The following DCUN1D5 variants were observed in gnomAD, a reference collection of about 807,000 sequenced individuals.
DCUN1D5 encodes the protein defective in cullin neddylation 1 domain containing 5.
Under a neutral mutation model 38.3 loss-of-function variants are expected in DCUN1D5, and 10 were observed. The ratio of observed to expected loss-of-function variants is 0.26; its 90% CI spans 0.16 to 0.44. The LOEUF (loss-of-function observed/expected upper bound fraction) is 0.44. DCUN1D5 is among the 20% of genes least tolerant of loss of function. The probability of loss-of-function intolerance (pLI) is 1.00; values close to 1 mark genes in which losing one functional copy is unlikely to be tolerated. For missense variants in DCUN1D5, 148 were observed against 275.3 expected (o/e 0.54, Z 3.27); for synonymous variants, 93 against 90.9 (o/e 1.02, Z -0.13).
chr11:103,062,282 A>AT lies in DCUN1D5; in HGVS notation c.*76dup, dbSNP rs567049158. 44 of 1,413,828 alleles carry AT rather than the reference A, an allele frequency of 3.1e-5. No homozygotes were observed. The highest frequency in any genetic ancestry group is 3.6e-5 in the South Asian group (3 of 82,558). The allele number at this position is 1,413,828 out of a possible 1,614,324, so 87.6% of individuals were successfully genotyped here. On this transcript the variant is annotated 3_prime_UTR_variant, in exon 8 of 8. Coordinates refer to ENST00000260247, the MANE Select transcript of DCUN1D5 (RefSeq NM_032299.4). This position sits in a 1 kb window ranked among gnomAD's most constrained non-coding sequence, Gnocchi z 4.6. ...ATATGAATGAAAATGCACCCGTTGG[A>AT]TTTTTTTCCCCCTCATCACATTAGC...
chr11:103,076,453 C>T (rs1862409478), intron 4 of DCUN1D5, among the ~76,000 whole-genome samples: 1 of 152,152 alleles, frequency 6.6e-6, no homozygotes, highest in African/African-American at 2.4e-5. Flanking sequence ...CACAAAGTTA[C>T]TATCTTACTT....
In DCUN1D5 at chr11:103,066,160, C is replaced by CT. The variant is rs1367558065; in HGVS notation, c.555+108dup. ...ATGTACATATTTTAGAATTTTTTCTCTAAAGTTTTTTTAAAGCATACTATT... is the reference window on the plus strand; with the variant it reads ...ATGTACATATTTTAGAATTTTTTCTCTTAAAGTTTTTTTAAAGCATACTATT... On this transcript the variant is annotated intron_variant, in intron 6 of 7. Transcript: ENST00000260247. The surrounding 1 kb of genome is among the most constrained non-coding windows in gnomAD (Gnocchi z 4.7). 11 of 630,618 alleles carry CT rather than the reference C, an allele frequency of 1.7e-5. No homozygotes were observed. The highest frequency in any genetic ancestry group is 2.8e-5 in the Non-Finnish European group (11 of 393,640). The allele number at this position is 630,618 out of a possible 1,614,324, so 39.1% of individuals were successfully genotyped here.
Position 103,092,013 on chromosome 11 carries a change from C to G in DCUN1D5, c.-141G>C. 1.4e-6 allele frequency: 1 copy of G among 736,540 alleles called. No individual in the cohort carries two copies. The highest frequency in any genetic ancestry group is 2.2e-6 in the Non-Finnish European group (1 of 462,216). The allele number at this position is 736,540 out of a possible 1,614,324, so 45.6% of individuals were successfully genotyped here. ...AGTCGCCAGCCCGCACCGGCGCGGC[C>G]CAGCCCGGCCGCCGCCCGCTCCCAG... On this transcript the variant is annotated 5_prime_UTR_variant, in exon 1 of 8. Transcript: ENST00000260247.
At chr11:103,079,390 T>C (rs2134626067) in intron 4 of DCUN1D5, among the ~76,000 whole-genome samples, 1 of 152,350 alleles carries the variant, frequency 6.6e-6, no homozygotes, top group Admixed American at 6.5e-5. Flanking sequence ...TAAGTGATAC[T>C]GTGCCTTACA....
chr11:103,082,904 A>T, intron 3 of DCUN1D5, 65 bp from the exon 4 acceptor site: 1 of 1,266,214 alleles, frequency 7.9e-7, no homozygotes, highest in Non-Finnish European at 1.1e-6. Flanking sequence ...GTCTATATTT[A>T]TCATGGAGAG....
Position 103,078,140 on chromosome 11 carries a change from G to T in DCUN1D5, c.341+4608C>A, listed in dbSNP as rs1298635486. Among the ~76,000 whole-genome samples, 1 of 152,148 alleles carries T rather than the reference G, an allele frequency of 6.6e-6. No individual in the cohort carries two copies. The highest frequency in any genetic ancestry group is 1.9e-4 in the East Asian group (1 of 5,192). On this transcript the variant is annotated intron_variant, in intron 4 of 7. Coordinates refer to ENST00000260247, the MANE Select transcript of DCUN1D5 (RefSeq NM_032299.4). The surrounding 1 kb of genome is among the most constrained non-coding windows in gnomAD (Gnocchi z 4.6). The stretch of plus-strand genomic sequence containing the variant: ...TTTACAAACTGCAACCTACCGGCAG[G>T]CAGCTTAATTACTATCACTGTTGTC...
rs1401686728 is a variant in DCUN1D5 at position 103,052,500 on chromosome 11, CA to C, written c.*9858del. The C allele has an allele frequency of 3.3e-5, 5 of 152,204 alleles. No homozygotes were observed. Among genetic ancestry groups the C allele is most frequent in the African/African-American group, 1.2e-4 (5 of 41,542 alleles). 9.4% of individuals were successfully genotyped at this position (152,204 alleles called of 1,614,324 possible). A position where few individuals can be genotyped will look rare whatever the true frequency, so the allele number is the denominator to read the frequency against. Reference sequence around the variant, plus strand: ...ACAGAGCTGTTTCCTTTTTAAGGATCATAATCTTCAAAGGTAGAAACTAACA... The same window carrying C: ...ACAGAGCTGTTTCCTTTTTAAGGATCTAATCTTCAAAGGTAGAAACTAACA... On this transcript the variant is annotated 3_prime_UTR_variant, in exon 8 of 8. Coordinates refer to ENST00000260247, the MANE Select transcript of DCUN1D5 (RefSeq NM_032299.4).
rs1591233999 is a variant in DCUN1D5 at position 103,091,238 on chromosome 11, A to T, written c.86+549T>A. On this transcript the variant is annotated intron_variant, in intron 1 of 7. Transcript: ENST00000260247. The surrounding 1 kb of genome is among the most constrained non-coding windows in gnomAD (Gnocchi z 4.3). ...GAAAATGGGGCTCCTGCAATTTAAA[A>T]GGCCTCCTGCTGGGACCTTCCGGGT... Among the ~76,000 whole-genome samples, 2 of 152,198 alleles carry T rather than the reference A, an allele frequency of 1.3e-5. No homozygotes were observed. The highest frequency in any genetic ancestry group is 4.2e-4 in the South Asian group (2 of 4,812).
rs1861780545 is a variant in DCUN1D5, at chr11:103,052,890, T to C, written c.*9469A>G. The C allele has an allele frequency of 6.6e-6, 1 of 152,204 alleles. No individual in the cohort carries two copies. Among genetic ancestry groups the C allele is most frequent in the Non-Finnish European group, 1.5e-5 (1 of 68,014 alleles). The allele number at this position is 152,204 out of a possible 1,614,324, so 9.4% of individuals were successfully genotyped here. A position where few individuals can be genotyped will look rare whatever the true frequency, so the allele number is the denominator to read the frequency against. On this transcript the variant is annotated 3_prime_UTR_variant, in exon 8 of 8. Transcript: ENST00000260247. ...TGATGTCAAGGTGCAAATGTGCAAG[T>C]AGTGGTTTTTAAAACCTGCTATTCA...
At position 103,071,071 on chromosome 11, in the gene DCUN1D5, G is replaced by T. The variant is rs1324820113; in HGVS notation, c.342-4504C>A. 1.3e-5 allele frequency among the ~76,000 whole-genome samples: 2 copies of T among 151,830 alleles called. No homozygotes were observed. Among genetic ancestry groups the T allele is most frequent in the Non-Finnish European group, 2.9e-5 (2 of 67,922 alleles). On this transcript the variant is annotated intron_variant, in intron 4 of 7. Coordinates refer to ENST00000260247, the MANE Select transcript of DCUN1D5 (RefSeq NM_032299.4). The surrounding 1 kb of genome is among the most constrained non-coding windows in gnomAD (Gnocchi z 4.1). ...CATACAAATAAAGCAGTACTGAGAA[G>T]GAAATTTATAGTGCTAAATACACAC...
At chr11:103,072,342 A>AAC (rs1862294249) in intron 4 of DCUN1D5, among the ~76,000 whole-genome samples, 1 of 78,332 alleles carries the variant, frequency 1.3e-5, no homozygotes, top group Non-Finnish European at 2.7e-5. Context: ...CTAGAACTAG[A>AAC]TCTAGATCTA....
At position 103,091,724 on chromosome 11, in the gene DCUN1D5, T is replaced by C. The variant is rs772148300; in HGVS notation, c.86+63A>G. The stretch of plus-strand genomic sequence containing the variant: ...GCCCGGCAGGCCGGGCCCGACTCCT[T>C]TTCCTCCAGTTGTCCAGCAAAGGAG... On this transcript the variant is annotated intron_variant, in intron 1 of 7. Transcript: ENST00000260247. The surrounding 1 kb of genome is among the most constrained non-coding windows in gnomAD (Gnocchi z 4.3). The C allele has an allele frequency of 6.2e-7, 1 of 1,611,990 alleles. No individual in the cohort carries two copies. The highest frequency in any genetic ancestry group is 8.5e-7 in the Non-Finnish European group (1 of 1,178,772).
chr11:103,081,883 T>C (rs542320170), intron 4 of DCUN1D5, among the ~76,000 whole-genome samples: 5 of 151,760 alleles, frequency 3.3e-5, no homozygotes, highest in African/African-American at 1.2e-4. Context: ...ACAAATACTT[T>C]AAAAAAAAAT....
In DCUN1D5 at chr11:103,060,434, T is replaced by C. The variant is rs780264370; in HGVS notation, c.*1925A>G. The stretch of plus-strand genomic sequence containing the variant: ...TTTTAAACCAAACATGGATTGAAAA[T>C]ACAGTATTCCCGGGATGCGACACCT... On this transcript the variant is annotated 3_prime_UTR_variant, in exon 8 of 8. Transcript: ENST00000260247. 6.6e-6 allele frequency among the ~76,000 whole-genome samples: 1 copy of C among 151,902 alleles called. No individual in the cohort carries two copies. Among genetic ancestry groups the C allele is most frequent in the Non-Finnish European group, 1.5e-5 (1 of 67,984 alleles).
At chr11:103,090,317 T>A (rs928773501) in intron 1 of DCUN1D5, among the ~76,000 whole-genome samples, 3 of 152,220 alleles carry the variant, frequency 2.0e-5, no homozygotes, top group African/African-American at 7.2e-5. Context: ...CCATGTCAAA[T>A]TCTAATGTTG....
At position 103,068,554 on chromosome 11, in the gene DCUN1D5, T is replaced by C. The variant is rs11824372; in HGVS notation, c.342-1987A>G. On this transcript the variant is annotated intron_variant, in intron 4 of 7. Transcript: ENST00000260247. Reference sequence around the variant, plus strand: ...CATTTTGCGGGAACATGGATGGTGCTAGAGGTCATTATCCTTAGCAAGCTA... The same window carrying C: ...CATTTTGCGGGAACATGGATGGTGCCAGAGGTCATTATCCTTAGCAAGCTA... Among the ~76,000 whole-genome samples, 1,065 of 152,224 alleles carry C rather than the reference T, an allele frequency of 7.0e-3. 9 individuals carry two copies. The highest frequency in any genetic ancestry group is 0.024 in the African/African-American group (1,003 of 41,518).
At chr11:103,089,341 A>C in intron 1 of DCUN1D5, 23 bp from the exon 2 acceptor site, 1 of 1,573,728 alleles carries the variant, frequency 6.4e-7, no homozygotes, top group South Asian at 1.2e-5. Context: ...ACAGACGCCT[A>C]AGATTTTTAT....
In DCUN1D5 at chr11:103,061,675, CAAT is replaced by C. The variant is rs560175449; in HGVS notation, c.*681_*683del. Among the ~76,000 whole-genome samples the C allele has an allele frequency of 1.3e-3, 196 of 148,578 alleles. No homozygotes were observed. Among genetic ancestry groups the C allele is most frequent in the African/African-American group, 4.3e-3 (176 of 40,464 alleles). ...AAAAATATAAATATGCTATTATCAA[CAAT>C]AATAATGATGATACAACTTAATAAT... On this transcript the variant is annotated 3_prime_UTR_variant, in exon 8 of 8. Coordinates refer to ENST00000260247, the MANE Select transcript of DCUN1D5 (RefSeq NM_032299.4).
In DCUN1D5 at chr11:103,083,251, C is replaced by T; in HGVS notation, c.249+5G>A. ...TATGCCATTCTACTTAGAAATAAAA[C>T]ATACATTTTCAGGTTCAACACCAAT... is the stretch of plus-strand genomic sequence containing the variant. On this transcript the variant is annotated splice_donor_5th_base_variant and intron_variant, in intron 3 of 7. Coordinates refer to ENST00000260247, the MANE Select transcript of DCUN1D5 (RefSeq NM_032299.4). The surrounding 1 kb of genome is among the most constrained non-coding windows in gnomAD (Gnocchi z 4.4). The T allele has an allele frequency of 6.6e-7, 1 of 1,517,692 alleles. No individual in the cohort carries two copies. Among genetic ancestry groups the T allele is most frequent in the Non-Finnish European group, 9.1e-7 (1 of 1,094,056 alleles). 94.0% of individuals were successfully genotyped at this position (1,517,692 alleles called of 1,614,324 possible).
Sources: allele counts gnomAD v4.1 joint callset (sites outside exome capture counted in the v4.1 genomes callset), GRCh38; gene constraint gnomAD v4.1.1; non-coding constraint Gnocchi (gnomAD v3.1); transcripts MANE v1.5; gene names NCBI Gene and HGNC (gene_info 2026-07-23, HGNC 2026-07-21).